PLAG1: variants seen among roughly 807,000 people sequenced by gnomAD.
The protein encoded by PLAG1 is PLAG1 zinc finger, also known as zinc finger protein PLAG1.
Under a neutral mutation model 35.5 loss-of-function variants are expected in PLAG1, and 7 were observed. That is an observed-to-expected ratio of 0.20 (90% CI 0.11 to 0.37). The LOEUF (loss-of-function observed/expected upper bound fraction) is 0.37. Among genes scored for constraint, PLAG1 ranks in the 10% least tolerant of loss-of-function variants. The pLI is 1.00. For missense variants in PLAG1, 454 were observed against 602.8 expected (o/e 0.75, Z 2.58); for synonymous variants, 229 against 225.4 (o/e 1.02, Z -0.14).
chr8:56,185,305 C>T (rs773388996), intron 1 of PLAG1, among the ~76,000 whole-genome samples: 16 of 151,998 alleles, frequency 1.1e-4, no homozygotes, highest in African/African-American at 2.9e-4. Flanking sequence ...GTTTCAGGGA[C>T]GTATGCATAT....
intron 3 of PLAG1, among the ~76,000 whole-genome samples, chr8:56,169,543 A>T (rs1046946561): frequency 2.0e-5 from 3 of 152,010 alleles, no homozygotes; most frequent in East Asian, 1.9e-4. Context: ...TGAGTGATGT[A>T]CTTATTTTCT....
At chr8:56,174,314 A>G (rs1387494170) in intron 2 of PLAG1, among the ~76,000 whole-genome samples, 1 of 152,220 alleles carries the variant, frequency 6.6e-6, no homozygotes, top group Admixed American at 6.5e-5. Flanking sequence ...AGAATCTATT[A>G]CTAAGATAAC....
Position 56,166,613 on chromosome 8 carries a change from G to A in PLAG1, c.1133C>T (p.Ser378Leu). ...AGGATCCAACCCTAGCTTAGATGATGACGATGCTTGAGAATCTTGGGATGA... is the reference window on the plus strand; with the variant it reads ...AGGATCCAACCCTAGCTTAGATGATAACGATGCTTGAGAATCTTGGGATGA... Reference protein sequence around the residue: ...PSSSQDSQASSSSKLGLDPQI... With the variant: ...PSSSQDSQASLSSKLGLDPQI... The change falls in exon 5 of 5, where the codon TCA becomes TTA. Residue 378 changes from serine to leucine, a missense_variant. By Grantham distance (145) the Ser-to-Leu change is moderately radical (BLOSUM62 -2). Transcript: ENST00000316981. 3 of 1,614,112 alleles carry A rather than the reference G, an allele frequency of 1.9e-6. No homozygotes were observed. The highest frequency in any genetic ancestry group is 2.5e-6 in the Non-Finnish European group (3 of 1,179,982).
At chr8:56,193,051 A>T (rs1403203035) in intron 1 of PLAG1, among the ~76,000 whole-genome samples, 4 of 152,260 alleles carry the variant, frequency 2.6e-5, no homozygotes, top group Non-Finnish European at 5.9e-5. Context: ...ATCTTTAAAA[A>T]CAAAAGATAA....
rs192521181 is a variant in PLAG1 at position 56,194,949 on chromosome 8, C to G, written c.-321-15436G>C. On this transcript the variant is annotated intron_variant, in intron 1 of 4. Coordinates refer to ENST00000316981, the MANE Select transcript of PLAG1 (RefSeq NM_002655.3). ...ATGAGCCTTGGGCAGAAGAGCAGAG[C>G]TCCTCTGCAGCCAAGAAAAGGAGGG... Among the ~76,000 whole-genome samples the G allele has an allele frequency of 5.9e-3, 891 of 152,192 alleles. 9 individuals are homozygous for G. Among genetic ancestry groups the G allele is most frequent in the African/African-American group, 0.02 (848 of 41,510 alleles).
At chr8:56,198,994 AG>A (rs2129233609) in intron 1 of PLAG1, among the ~76,000 whole-genome samples, 1 of 152,366 alleles carries the variant, frequency 6.6e-6, no homozygotes, top group African/African-American at 2.4e-5. Context: ...TGGAGATGTT[AG>A]TGTAAACAGA....
At chr8:56,193,248 G>A (rs930265692) in intron 1 of PLAG1, among the ~76,000 whole-genome samples, 1 of 152,220 alleles carries the variant, frequency 6.6e-6, no homozygotes, top group Non-Finnish European at 1.5e-5. Flanking sequence ...GGTAGGGGAC[G>A]AAGGAAACAA....
chr8:56,174,076 T>A (rs1811619028), intron 2 of PLAG1, among the ~76,000 whole-genome samples: 1 of 152,212 alleles, frequency 6.6e-6, no homozygotes, highest in Admixed American at 6.5e-5. Flanking sequence ...TATTTAAAAG[T>A]CAAACAGATT....
chr8:56,168,536 C>A, intron 3 of PLAG1, 150 bp from the exon 4 acceptor site: 1 of 282,650 alleles, frequency 3.5e-6, no homozygotes, highest in Non-Finnish European at 6.6e-6. Context: ...ATTAGAAACC[C>A]CATAGGTTTC....
intron 1 of PLAG1, among the ~76,000 whole-genome samples, chr8:56,201,754 G>A (rs1390431489): frequency 6.6e-6 from 1 of 152,248 alleles, no homozygotes; most frequent in East Asian, 1.9e-4. Flanking sequence ...CCTATCTCAT[G>A]AGATTGCTGT....
chr8:56,181,116 G>C (rs1317266233), intron 1 of PLAG1, among the ~76,000 whole-genome samples: 1 of 152,206 alleles, frequency 6.6e-6, no homozygotes, highest in Non-Finnish European at 1.5e-5. Context: ...TACACTGTTG[G>C]TGGGAGTGTA....
In PLAG1 at chr8:56,161,450, A is replaced by G. The variant is rs952950781; in HGVS notation, c.*4793T>C. 4.5e-6 allele frequency: 1 copy of G among 222,560 alleles called. No homozygotes were observed. The highest frequency in any genetic ancestry group is 5.7e-5 in the Admixed American group (1 of 17,414). 13.8% of individuals were successfully genotyped at this position (222,560 alleles called of 1,614,324 possible). On this transcript the variant is annotated 3_prime_UTR_variant, in exon 5 of 5. Transcript: ENST00000316981. ...CAGGTATGATGCAATCCGTTTCCTA[A>G]TGGATTCCCAGTTTTTGTTAAATTC...
chr8:56,204,747 T>C (rs190924642), intron 1 of PLAG1, among the ~76,000 whole-genome samples: 8 of 152,010 alleles, frequency 5.3e-5, no homozygotes, highest in Admixed American at 5.2e-4. Context: ...AATTCCAATA[T>C]TGGTCTGCAA....
intron 1 of PLAG1, among the ~76,000 whole-genome samples, chr8:56,183,239 A>T (rs2129228860): frequency 6.6e-6 from 1 of 152,354 alleles, no homozygotes; most frequent in South Asian, 2.1e-4. Flanking sequence ...GCCATATAAA[A>T]GTTAATATAT....
At chr8:56,176,724 T>C (rs575789071) in intron 2 of PLAG1, among the ~76,000 whole-genome samples, 6 of 151,992 alleles carry the variant, frequency 3.9e-5, no homozygotes, top group Non-Finnish European at 8.8e-5. Flanking sequence ...GATTACAAAG[T>C]AGGTAGCCCA....
intron 2 of PLAG1, among the ~76,000 whole-genome samples, chr8:56,172,294 AT>A (rs34460938): frequency 6.6e-6 from 1 of 152,138 alleles, no homozygotes; most frequent in Non-Finnish European, 1.5e-5. Context: ...TGAAAGCAGC[AT>A]TTTTTTATAG....
At chr8:56,175,584 C>T (rs1044335939) in intron 2 of PLAG1, among the ~76,000 whole-genome samples, 2 of 152,126 alleles carry the variant, frequency 1.3e-5, no homozygotes, top group African/African-American at 4.8e-5. Flanking sequence ...TTTTGAATTA[C>T]TGCGTTTTAT....
rs919615003 is a variant in PLAG1, at chr8:56,167,884, A to C, written c.242+144T>G. On this transcript the variant is annotated intron_variant, in intron 4 of 4. Transcript: ENST00000316981. This position sits in a 1 kb window ranked among gnomAD's most constrained non-coding sequence, Gnocchi z 5.9. ...AAAAGTATGTGATTTAGAATACTAAAAACTAAACCAATGTCTAATCTACTT... is the reference window on the plus strand; with the variant it reads ...AAAAGTATGTGATTTAGAATACTAACAACTAAACCAATGTCTAATCTACTT... 3.6e-6 allele frequency: 2 copies of C among 559,910 alleles called. No homozygotes were observed. The highest frequency in any genetic ancestry group is 1.9e-5 in the African/African-American group (1 of 53,154). 34.7% of individuals were successfully genotyped at this position (559,910 alleles called of 1,614,324 possible).
chr8:56,189,409 A>T (rs1483963525), intron 1 of PLAG1, among the ~76,000 whole-genome samples: 1 of 152,172 alleles, frequency 6.6e-6, no homozygotes, highest in East Asian at 1.9e-4. Flanking sequence ...GTCTTCCCCA[A>T]CAGACCAGTA....
Sources: gnomAD v4.1 joint callset for allele counts (sites outside exome capture counted in the v4.1 genomes callset) on GRCh38, gnomAD v4.1.1 for gene constraint, Gnocchi (gnomAD v3.1) non-coding constraint, MANE v1.5 for transcripts, NCBI Gene and HGNC (gene_info 2026-07-23, HGNC 2026-07-21) for gene names.